Variants in RINT1 observed in about 807,000 individuals in gnomAD.
RINT1 encodes RAD50 interactor 1.
A neutral mutation model predicts 97.7 loss-of-function variants in RINT1; 75 were observed. The ratio of observed to expected loss-of-function variants is 0.77; its 90% confidence interval spans 0.64 to 0.93. The LOEUF is 0.93. RINT1 is among the 40% of genes least tolerant of loss of function. The probability of loss-of-function intolerance (pLI) is 0.00; values close to 1 mark genes in which losing one functional copy is unlikely to be tolerated. For missense variants in RINT1, 892 were observed against 925.2 expected (o/e 0.96, Z 0.47); for synonymous variants, 303 against 326.3 (o/e 0.93, Z 0.77).
rs2133373745 is a variant in RINT1, at chr7:105,542,573, A to G, written c.439A>G (p.Thr147Ala). The change falls in exon 4 of 15, where the codon ACC becomes GCC. Residue 147 changes from threonine (T) to alanine (A), a missense_variant. Physicochemically the swap from Thr to Ala is moderately conservative, Grantham distance 58. Transcript: ENST00000257700. ...TAQPWMDDLG[T>A]MISQIEEIER... ...GCAACCTTGGATGGACGATCTTGGA[A>G]CCATGATTAGCCAGATTGAAGAGAT... The G allele has an allele frequency of 6.2e-7, 1 of 1,614,162 alleles. No homozygotes were observed. The highest frequency in any genetic ancestry group is 1.1e-5 in the South Asian group (1 of 91,084).
intron 11 of RINT1, among the ~76,000 whole-genome samples, chr7:105,558,113 G>A (rs908310993): frequency 5.3e-5 from 8 of 151,652 alleles, no homozygotes; most frequent in African/African-American, 9.7e-5. Flanking sequence ...TCAGGAGTTC[G>A]AGACCAGCCT....
At position 105,551,622 on chromosome 7, in the gene RINT1, G is replaced by A. The variant is rs763396368; in HGVS notation, c.1386G>A (p.Ser462=). The part of the protein sequence containing the change: ...SMLSSEAAWV[S]QYKDITDVDE... ...TTTCCTCAGAAGCTGCCTGGGTATC[G>A]CAATATAAGGATATCACTGACGTGG... is the stretch of plus-strand genomic sequence containing the variant. The change falls in exon 10 of 15, where the codon TCG becomes TCA. Residue 462 remains serine, a synonymous_variant. Transcript: ENST00000257700. 9.3e-6 allele frequency: 15 copies of A among 1,609,994 alleles called. No individual in the cohort carries two copies. The highest frequency in any genetic ancestry group is 6.7e-5 in the Admixed American group (4 of 59,558).
rs1790246491 is a variant in RINT1, at chr7:105,536,621, A to T, written c.145A>T (p.Asn49Tyr). 8 of 1,611,726 alleles carry T rather than the reference A, an allele frequency of 5.0e-6. No individual in the cohort carries two copies. The East Asian group carries it at 8.9e-5, about 18-fold the overall frequency. The change falls in exon 3 of 15, where the codon AAT (asparagine) becomes TAT (tyrosine). Residue 49 changes from asparagine (N) to tyrosine (Y), a missense_variant. Coordinates refer to ENST00000257700, the MANE Select transcript of RINT1 (RefSeq NM_021930.6). ...GSKQVSEGTDNGDLPSYVSAF... is the reference protein window; with the variant it reads ...GSKQVSEGTDYGDLPSYVSAF... ...TAAACAAGTCAGTGAAGGTACAGATAATGGTGATCTCCCTTCTTATGTGTC... is the reference window on the plus strand; with the variant it reads ...TAAACAAGTCAGTGAAGGTACAGATTATGGTGATCTCCCTTCTTATGTGTC...
rs386410906 is a variant in RINT1 at position 105,552,666 on chromosome 7, C to CTTTTTTTTTTTT, written c.1471+973_1471+984dup. ...TTCCAGCCCAGTCAGTAAATAATTC[C>CTTTTTTTTTTTT]TTTTTTTTTTTTTTTTTTTTTTTTT... On this transcript the variant is annotated intron_variant, in intron 10 of 14. Coordinates refer to ENST00000257700, the MANE Select transcript of RINT1 (RefSeq NM_021930.6). Among the ~76,000 whole-genome samples, 6 of 79,996 alleles carry CTTTTTTTTTTTT rather than the reference C, an allele frequency of 7.5e-5. 1 individual carries two copies. Among genetic ancestry groups the CTTTTTTTTTTTT allele is most frequent in the East Asian group, 4.6e-4 (1 of 2,172 alleles). 52.5% of individuals were successfully genotyped at this position (79,996 alleles called of 152,430 possible).
intron 11 of RINT1, among the ~76,000 whole-genome samples, chr7:105,562,042 TG>T (rs1349293540): frequency 4.6e-5 from 7 of 152,342 alleles, no homozygotes; most frequent in Admixed American, 6.5e-5. Context: ...CCAATCACTT[TG>T]ATCAATTTCT....
At chr7:105,551,204 AT>A (rs1186815543) in intron 9 of RINT1, among the ~76,000 whole-genome samples, 1 of 151,630 alleles carries the variant, frequency 6.6e-6, no homozygotes, top group Non-Finnish European at 1.5e-5. Context: ...TACTTTTTGT[AT>A]TTTTTGTAGA....
chr7:105,553,589 C>A (rs111664561), intron 10 of RINT1, among the ~76,000 whole-genome samples: 4 of 150,786 alleles, frequency 2.7e-5, no homozygotes, highest in Non-Finnish European at 5.9e-5. Context: ...GGCATGGTGG[C>A]GGCTCTACTA....
Position 105,563,954 on chromosome 7 carries a change from C to A in RINT1, c.1886+7C>A. The A allele has an allele frequency of 6.2e-7, 1 of 1,600,904 alleles. No homozygotes were observed. The highest frequency in any genetic ancestry group is 1.1e-5 in the South Asian group (1 of 90,634). Reference sequence around the variant, plus strand: ...AATTGTATAAAAAAGAAAGGTATGTCCTCTATGTAAGTCAGCTCTTAACAC... The same window carrying A: ...AATTGTATAAAAAAGAAAGGTATGTACTCTATGTAAGTCAGCTCTTAACAC... On this transcript the variant is annotated splice_region_variant and intron_variant, in intron 12 of 14. Transcript: ENST00000257700.
At position 105,567,261 on chromosome 7, in the gene RINT1, G is replaced by A. The variant is rs1334515522; in HGVS notation, c.2329G>A (p.Val777Ile). The stretch of plus-strand genomic sequence containing the variant: ...AATTTACAAACTGGCTCAACAAGAT[G>A]TTGAGATTCTACTTAATTTGAGGAC... ...VGIYKLAQQD[V>I]EILLNLRTNW... Residue 777 changes from valine (V) to isoleucine (I), a missense_variant, in exon 15 of 15, where the codon GTT (valine) becomes ATT (isoleucine). Coordinates refer to ENST00000257700, the MANE Select transcript of RINT1 (RefSeq NM_021930.6). The A allele has an allele frequency of 6.2e-7, 1 of 1,611,482 alleles. No individual in the cohort carries two copies.
intron 3 of RINT1, among the ~76,000 whole-genome samples, chr7:105,540,220 C>T (rs1335428476): frequency 6.6e-6 from 1 of 151,524 alleles, no homozygotes; most frequent in Admixed American, 6.6e-5. Flanking sequence ...GCTGGGATTA[C>T]AGGCATGCGC....
In RINT1 at chr7:105,550,406, A is replaced by G; in HGVS notation, c.1253A>G (p.Tyr418Cys). The change falls in exon 9 of 15, where the codon TAT becomes TGT. Residue 418 changes from tyrosine (Y) to cysteine (C), a missense_variant. Tyr to Cys is a radical substitution (Grantham distance 194). Transcript: ENST00000257700. ...FERELHSVHGYPGTFASCMHI... is the reference protein window; with the variant it reads ...FERELHSVHGCPGTFASCMHI... ...AGGGAGCTACACAGTGTTCATGGCT[A>G]TCCTGGCACTTTTGCTAGTTGTATG... 3.1e-6 allele frequency: 5 copies of G among 1,614,204 alleles called. No individual in the cohort carries two copies. The highest frequency in any genetic ancestry group is 2.2e-5 in the South Asian group (2 of 91,084).
At chr7:105,562,590 A>G (rs1287993884) in intron 11 of RINT1, among the ~76,000 whole-genome samples, 1 of 152,200 alleles carries the variant, frequency 6.6e-6, no homozygotes, top group Non-Finnish European at 1.5e-5. Context: ...AGAGAAATGA[A>G]ACATATGTCC....
intron 11 of RINT1, among the ~76,000 whole-genome samples, chr7:105,558,666 A>G (rs2133440548): frequency 6.6e-6 from 1 of 152,288 alleles, no homozygotes; most frequent in Non-Finnish European, 1.5e-5. Context: ...TCTACAAAAA[A>G]TACAAAAAAT....
At chr7:105,549,141 C>T (rs1323374491) in intron 7 of RINT1, among the ~76,000 whole-genome samples, 5 of 151,686 alleles carry the variant, frequency 3.3e-5, no homozygotes, top group Non-Finnish European at 5.9e-5. Flanking sequence ...GCACATGTCA[C>T]CACACTGGAC....
At chr7:105,545,089 C>A (rs890139902) in intron 4 of RINT1, among the ~76,000 whole-genome samples, 2 of 152,078 alleles carry the variant, frequency 1.3e-5, no homozygotes, top group African/African-American at 4.8e-5. Flanking sequence ...GTTTCTCTAG[C>A]TTTTCCTATG....
At chr7:105,537,480 A>G (rs1030686547) in intron 3 of RINT1, among the ~76,000 whole-genome samples, 1 of 152,036 alleles carries the variant, frequency 6.6e-6, no homozygotes, top group Non-Finnish European at 1.5e-5. Flanking sequence ...TAAAGTGAAA[A>G]GAAGTATAAC....
intron 2 of RINT1, among the ~76,000 whole-genome samples, chr7:105,533,230 A>C (rs979886547): frequency 6.6e-6 from 1 of 152,162 alleles, no homozygotes; most frequent in African/African-American, 2.4e-5. Context: ...TCTAGGACAG[A>C]CGACCACCAC....
intron 11 of RINT1, among the ~76,000 whole-genome samples, chr7:105,559,348 C>A (rs1292659255): frequency 6.6e-6 from 1 of 152,040 alleles, no homozygotes; most frequent in Non-Finnish European, 1.5e-5. Context: ...CGAGACCAGC[C>A]TGGCCAAGAT....
chr7:105,540,552 G>A (rs1275174657), intron 3 of RINT1, among the ~76,000 whole-genome samples: 1 of 151,934 alleles, frequency 6.6e-6, no homozygotes, highest in East Asian at 1.9e-4. Context: ...ATGAGACACT[G>A]TGCCCGGCTG....
Sources: allele counts gnomAD v4.1 joint callset (sites outside exome capture counted in the v4.1 genomes callset), GRCh38; gene constraint gnomAD v4.1.1; transcripts MANE v1.5; gene names NCBI Gene and HGNC (gene_info 2026-07-23, HGNC 2026-07-21).